Variants in KCNIP1 observed in about 807,000 individuals in gnomAD.
KCNIP1 encodes potassium voltage-gated channel interacting protein 1.
Under a neutral mutation model 33.0 loss-of-function variants are expected in KCNIP1, and 18 were observed. The observed-to-expected ratio is 0.55, with a 90% CI of 0.38 to 0.81. The LOEUF (loss-of-function observed/expected upper bound fraction) is 0.81, where lower values mean the gene tolerates loss of function less well. KCNIP1 is among the 30% of genes least tolerant of loss of function. The pLI is 0.00. For missense variants in KCNIP1, 238 were observed against 271.6 expected, an observed-to-expected ratio of 0.88 and a Z score of 0.87; for synonymous variants, 93 against 98.3, an observed-to-expected ratio of 0.95 and a Z score of 0.32.
chr5:170,641,482 C>T (rs1398269739), intron 1 of KCNIP1, among the ~76,000 whole-genome samples: 1 of 152,202 alleles, frequency 6.6e-6, no homozygotes, highest in Non-Finnish European at 1.5e-5. Flanking sequence ...CTCCAGCAGT[C>T]GGGAGGGTTG....
intron 1 of KCNIP1, among the ~76,000 whole-genome samples, chr5:170,528,213 C>G (rs929434386): frequency 6.6e-6 from 1 of 152,214 alleles, no homozygotes. Context: ...CTGCTCCCCA[C>G]CCACTTCCCT....
At chr5:170,595,197 G>A (rs534424663) in intron 1 of KCNIP1, among the ~76,000 whole-genome samples, 5 of 152,328 alleles carry the variant, frequency 3.3e-5, no homozygotes, top group African/African-American at 1.2e-4. Context: ...GGGGTGAGGA[G>A]TGGGGTGGGG....
chr5:170,399,601 T>C (rs1386273153), intron 1 of KCNIP1, among the ~76,000 whole-genome samples: 2 of 152,250 alleles, frequency 1.3e-5, no homozygotes, highest in African/African-American at 4.8e-5. Context: ...TAGTGGATTA[T>C]GTTCTAAAGA....
intron 1 of KCNIP1, among the ~76,000 whole-genome samples, chr5:170,444,712 A>C (rs1435161754): frequency 6.6e-6 from 1 of 151,744 alleles, no homozygotes; most frequent in Non-Finnish European, 1.5e-5. Flanking sequence ...AAAAAAAAAA[A>C]AACCTTCTTC....
chr5:170,467,743 A>T (rs1756638318), intron 1 of KCNIP1, among the ~76,000 whole-genome samples: 2 of 151,758 alleles, frequency 1.3e-5, no homozygotes, highest in African/African-American at 4.8e-5. Context: ...CATGGCAAAA[A>T]CCCATCTCTA....
At position 170,640,220 on chromosome 5, in the gene KCNIP1, T is replaced by G. The variant is rs528811598; in HGVS notation, c.62-78538T>G. On this transcript the variant is annotated intron_variant, in intron 1 of 7. Coordinates refer to ENST00000328939, the MANE Select transcript of KCNIP1 (RefSeq NM_014592.4). ...TGAGAACCAGAGCTGCTGTGAATATTGTTCCCAACTCCTGAGACAGGGACA... is the reference window on the plus strand; with the variant it reads ...TGAGAACCAGAGCTGCTGTGAATATGGTTCCCAACTCCTGAGACAGGGACA... 1.6e-4 allele frequency among the ~76,000 whole-genome samples: 24 copies of G among 152,352 alleles called. 1 individual carries two copies. Among genetic ancestry groups the G allele is most frequent in the African/African-American group, 5.5e-4 (23 of 41,578 alleles).
chr5:170,546,671 C>T (rs988114075), intron 1 of KCNIP1, among the ~76,000 whole-genome samples: 18 of 152,216 alleles, frequency 1.2e-4, no homozygotes, highest in East Asian at 1.9e-4. Context: ...TCTATTTTTG[C>T]GGCTTTTCTT....
intron 1 of KCNIP1, among the ~76,000 whole-genome samples, chr5:170,531,107 G>A (rs1243278786): frequency 6.6e-6 from 1 of 152,286 alleles, no homozygotes; most frequent in East Asian, 1.9e-4. Context: ...GAAGCTTGTG[G>A]GTTTAGGTAT....
At chr5:170,359,183 A>G (rs1763435003) in intron 1 of KCNIP1, among the ~76,000 whole-genome samples, 1 of 152,166 alleles carries the variant, frequency 6.6e-6, no homozygotes, top group African/African-American at 2.4e-5. Context: ...CACCTGCCAG[A>G]CACTGAGTAG....
intron 1 of KCNIP1, among the ~76,000 whole-genome samples, chr5:170,583,865 G>A (rs1406049753): frequency 6.6e-6 from 1 of 152,188 alleles, no homozygotes; most frequent in Non-Finnish European, 1.5e-5. Flanking sequence ...TATTGTGGCT[G>A]CATAACAGTT....
chr5:170,443,130 C>T (rs1001150070), intron 1 of KCNIP1, among the ~76,000 whole-genome samples: 4 of 152,126 alleles, frequency 2.6e-5, no homozygotes, highest in Non-Finnish European at 5.9e-5. Context: ...GGTAGGCACC[C>T]CTCTTGTCCA....
intron 1 of KCNIP1, chr5:170,376,556 C>T (rs965176574): frequency 1.3e-5 from 2 of 152,052 alleles, no homozygotes; most frequent in African/African-American, 2.4e-5. Flanking sequence ...TGTGTTGTTC[C>T]CCTCTTTGTG....
intron 1 of KCNIP1, among the ~76,000 whole-genome samples, chr5:170,443,979 C>A (rs974754721): frequency 6.6e-6 from 1 of 152,166 alleles, no homozygotes; most frequent in Non-Finnish European, 1.5e-5. Flanking sequence ...ATTTGCAAAC[C>A]CAAATGGTTA....
At chr5:170,491,090 A>G (rs1458379614) in intron 1 of KCNIP1, among the ~76,000 whole-genome samples, 1 of 152,164 alleles carries the variant, frequency 6.6e-6, no homozygotes, top group African/African-American at 2.4e-5. Context: ...TGCTATCATC[A>G]GACATGATCT....
chr5:170,656,456 C>A (rs1417474463), intron 1 of KCNIP1, among the ~76,000 whole-genome samples: 4 of 152,198 alleles, frequency 2.6e-5, no homozygotes, highest in Non-Finnish European at 4.4e-5. Context: ...AAGGACAGAA[C>A]CCAGAGAGAC....
chr5:170,504,690 A>C lies in KCNIP1; in HGVS notation c.61+57A>C. ...CTGGGCTTGGGGGTGCTAGGCGCCG[A>C]GGTGGGCTGTGCCACCTGCCTCCCT... On this transcript the variant is annotated intron_variant, in intron 1 of 7. Coordinates refer to ENST00000328939, the MANE Select transcript of KCNIP1 (RefSeq NM_014592.4). The surrounding 1 kb of genome is among the most constrained non-coding windows in gnomAD (Gnocchi z 6.0). 1 of 1,481,078 alleles carries C rather than the reference A, an allele frequency of 6.8e-7. No individual in the cohort carries two copies. 91.7% of individuals were successfully genotyped at this position (1,481,078 alleles called of 1,614,324 possible). A position where few individuals can be genotyped will look rare whatever the true frequency, so the allele number is the denominator to read the frequency against.
At chr5:170,652,124 C>T (rs2113724234) in intron 1 of KCNIP1, among the ~76,000 whole-genome samples, 1 of 152,100 alleles carries the variant, frequency 6.6e-6, no homozygotes, top group East Asian at 1.9e-4. Flanking sequence ...GAGGAGAGTG[C>T]AGTGTGAGTG....
chr5:170,466,838 G>A (rs536499881), intron 1 of KCNIP1, among the ~76,000 whole-genome samples: 11 of 152,302 alleles, frequency 7.2e-5, no homozygotes, highest in Non-Finnish European at 1.5e-4. Context: ...CCATCACCTT[G>A]AGGGTTAAGA....
chr5:170,526,679 C>A lies in KCNIP1; in HGVS notation c.61+22046C>A, dbSNP rs200102042. Among the ~76,000 whole-genome samples, 11 of 151,714 alleles carry A rather than the reference C, an allele frequency of 7.3e-5. 1 individual carries two copies. In the East Asian group the frequency reaches 1.7e-3, roughly 24 times the overall value. ...TCAGCCTGTCCCCACTGATGGGACA[C>A]CTTTGCCCAACCTCTCACCCATACC... On this transcript the variant is annotated intron_variant, in intron 1 of 7. Transcript: ENST00000328939.
Sources: gnomAD v4.1 joint callset for allele counts (sites outside exome capture counted in the v4.1 genomes callset) on GRCh38, gnomAD v4.1.1 for gene constraint, Gnocchi (gnomAD v3.1) non-coding constraint, MANE v1.5 for transcripts, NCBI Gene and HGNC (gene_info 2026-07-23, HGNC 2026-07-21) for gene names.